The following TTBK2 variants were observed in gnomAD, a reference collection of about 807,000 sequenced individuals.
TTBK2 encodes the protein tau tubulin kinase 2, also known as tau-tubulin kinase 2.
Under a neutral mutation model 110.8 loss-of-function variants are expected in TTBK2, and 28 were observed. The ratio of observed to expected loss-of-function variants is 0.25; its 90% confidence interval spans 0.19 to 0.35. The LOEUF (loss-of-function observed/expected upper bound fraction) is 0.35, where lower values mean the gene tolerates loss of function less well. Among genes scored for constraint, TTBK2 ranks in the 10% least tolerant of loss-of-function variants. The probability of loss-of-function intolerance (pLI) is 1.00; values close to 1 mark genes in which losing one functional copy is unlikely to be tolerated. For synonymous variants in TTBK2, 532 were observed against 527.3 expected, an observed-to-expected ratio of 1.01 and a Z score of -0.12; for missense variants, 1,369 against 1,500.3, an observed-to-expected ratio of 0.91 and a Z score of 1.45.
At chr15:42,877,669 G>A (rs1894865375) in intron 2 of TTBK2, among the ~76,000 whole-genome samples, 1 of 151,920 alleles carries the variant, frequency 6.6e-6, no homozygotes, top group South Asian at 2.1e-4. Flanking sequence ...CTTTTTTTTA[G>A]TACTACTACA....
chr15:42,876,697 T>C (rs1280135858), intron 2 of TTBK2, among the ~76,000 whole-genome samples: 1 of 152,144 alleles, frequency 6.6e-6, no homozygotes, highest in African/African-American at 2.4e-5. Flanking sequence ...GAAAAAAACT[T>C]TGGTGGACTG....
intron 1 of TTBK2, among the ~76,000 whole-genome samples, chr15:42,910,477 T>C (rs2030686920): frequency 6.6e-6 from 1 of 152,206 alleles, no homozygotes; most frequent in African/African-American, 2.4e-5. Context: ...AAATGAAATA[T>C]CTTTCACCTC....
chr15:42,895,874 C>G (rs1217791140), intron 1 of TTBK2, among the ~76,000 whole-genome samples: 1 of 151,976 alleles, frequency 6.6e-6, no homozygotes, highest in Non-Finnish European at 1.5e-5. Flanking sequence ...AATCCCAGAA[C>G]ATTTTCACCA....
intron 1 of TTBK2, among the ~76,000 whole-genome samples, chr15:42,898,202 A>G (rs950870957): frequency 6.6e-6 from 1 of 152,088 alleles, no homozygotes; most frequent in Non-Finnish European, 1.5e-5. Context: ...TGTCATGATA[A>G]TGGTCGTTTA....
chr15:42,870,423 GAA>G (rs1894570078), intron 3 of TTBK2, among the ~76,000 whole-genome samples: 1 of 151,980 alleles, frequency 6.6e-6, no homozygotes, highest in African/African-American at 2.4e-5. Context: ...GTTAAGTACA[GAA>G]AAGACTACGA....
At chr15:42,899,844 G>A (rs951288763) in intron 1 of TTBK2, among the ~76,000 whole-genome samples, 3 of 151,508 alleles carry the variant, frequency 2.0e-5, no homozygotes, top group African/African-American at 7.3e-5. Context: ...GGAGGTTGCA[G>A]TGAGCCAAGA....
At chr15:42,784,128 A>G (rs1378690134) in intron 10 of TTBK2, among the ~76,000 whole-genome samples, 1 of 152,144 alleles carries the variant, frequency 6.6e-6, no homozygotes, top group African/African-American at 2.4e-5. Flanking sequence ...CAATCCTACG[A>G]AATAAAACTT....
intron 1 of TTBK2, among the ~76,000 whole-genome samples, chr15:42,888,821 G>C (rs193257014): frequency 6.6e-6 from 1 of 152,152 alleles, no homozygotes; most frequent in Non-Finnish European, 1.5e-5. Context: ...CATCGCTCAG[G>C]GCAACACTTA....
intron 1 of TTBK2, among the ~76,000 whole-genome samples, chr15:42,915,292 T>G (rs1315660914): frequency 2.0e-5 from 3 of 152,262 alleles, no homozygotes; most frequent in African/African-American, 7.2e-5. Context: ...GTCTGTGCTG[T>G]TTGTCACTTA....
At chr15:42,758,093 T>C (rs1438415710) in intron 13 of TTBK2, among the ~76,000 whole-genome samples, 4 of 152,216 alleles carry the variant, frequency 2.6e-5, no homozygotes, top group South Asian at 2.1e-4. Flanking sequence ...CATTCAAGGA[T>C]TGTAATGTTA....
chr15:42,829,930 G>A lies in TTBK2; in HGVS notation c.432+8C>T. ...TCATTCTGTGCTCTGGATAGAAAAG[G>A]TCCCTACCGGTTTGATGTCTCGATG... On this transcript the variant is annotated splice_region_variant and intron_variant, in intron 5 of 14. Transcript: ENST00000267890. 6.2e-7 allele frequency: 1 copy of A among 1,613,928 alleles called. No homozygotes were observed. Among genetic ancestry groups the A allele is most frequent in the African/African-American group, 1.3e-5 (1 of 74,996 alleles).
chr15:42,915,566 G>A (rs532726187), intron 1 of TTBK2, among the ~76,000 whole-genome samples: 27 of 152,298 alleles, frequency 1.8e-4, no homozygotes, highest in Non-Finnish European at 3.1e-4. Flanking sequence ...ATCCACTGGG[G>A]GTCTTGGAAT....
At chr15:42,793,259 T>C (rs1329958045) in intron 10 of TTBK2, among the ~76,000 whole-genome samples, 1 of 152,168 alleles carries the variant, frequency 6.6e-6, no homozygotes, top group African/African-American at 2.4e-5. Context: ...ACATCCGTGG[T>C]GATTCTGGGT....
chr15:42,892,365 A>G (rs926933258), intron 1 of TTBK2, among the ~76,000 whole-genome samples: 1 of 152,106 alleles, frequency 6.6e-6, no homozygotes, highest in Non-Finnish European at 1.5e-5. Context: ...TAACTGCAAC[A>G]CAGACGGTAT....
At chr15:42,873,258 C>A (rs1894683054) in intron 2 of TTBK2, among the ~76,000 whole-genome samples, 1 of 151,894 alleles carries the variant, frequency 6.6e-6, no homozygotes, top group African/African-American at 2.4e-5. Flanking sequence ...ATGGTGAAAC[C>A]CCCATCTCTA....
intron 3 of TTBK2, among the ~76,000 whole-genome samples, chr15:42,853,761 A>G (rs1893816119): frequency 6.6e-6 from 1 of 152,104 alleles, no homozygotes; most frequent in Non-Finnish European, 1.5e-5. Flanking sequence ...CACACCTGTA[A>G]TCCCAGCTAC....
At chr15:42,897,827 C>CGT (rs1300138857) in intron 1 of TTBK2, among the ~76,000 whole-genome samples, 45 of 60,074 alleles carry the variant, frequency 7.5e-4, no homozygotes, top group African/African-American at 3.9e-3. Context: ...TAGTGGTACA[C>CGT]ACACACACAC....
intron 1 of TTBK2, among the ~76,000 whole-genome samples, chr15:42,894,926 T>A (rs1459788042): frequency 6.6e-6 from 1 of 152,170 alleles, no homozygotes; most frequent in Non-Finnish European, 1.5e-5. Flanking sequence ...AATCAATTCA[T>A]GCAGTACAGC....
chr15:42,795,520 T>C (rs1223245124), intron 9 of TTBK2, among the ~76,000 whole-genome samples: 1 of 152,200 alleles, frequency 6.6e-6, no homozygotes, highest in Admixed American at 6.5e-5. Flanking sequence ...TCATCATTTC[T>C]GGAACTCTGT....
Sources: gnomAD v4.1 joint callset for allele counts (sites outside exome capture counted in the v4.1 genomes callset) on GRCh38, gnomAD v4.1.1 for gene constraint, MANE v1.5 for transcripts, NCBI Gene and HGNC (gene_info 2026-07-23, HGNC 2026-07-21) for gene names.